The following PLA2G15 variants were observed in gnomAD, a reference collection of about 807,000 sequenced individuals.
PLA2G15 encodes phospholipase A2 group XV.
In PLA2G15, 20 loss-of-function variants were observed where a neutral mutation model predicts 40.9. The observed-to-expected ratio is 0.49, with a 90% confidence interval of 0.34 to 0.71. The LOEUF (loss-of-function observed/expected upper bound fraction) is 0.71, where lower values mean the gene tolerates loss of function less well. Among genes scored for constraint, PLA2G15 ranks in the 30% least tolerant of loss-of-function variants. The probability of loss-of-function intolerance (pLI) is 0.01; values close to 1 mark genes in which losing one functional copy is unlikely to be tolerated. For synonymous variants in PLA2G15, 223 were observed against 228.2 expected (o/e 0.98, Z 0.21); for missense variants, 471 against 541.9 (o/e 0.87, Z 1.30).
intron 1 of PLA2G15, among the ~76,000 whole-genome samples, chr16:68,246,146 A>G (rs527786537): frequency 6.6e-6 from 1 of 152,346 alleles, no homozygotes; most frequent in Non-Finnish European, 1.5e-5. Flanking sequence ...GGTTGGGACA[A>G]TGGCCATGAA....
chr16:68,251,690 G>T (rs1344611254), intron 2 of PLA2G15, among the ~76,000 whole-genome samples: 1 of 151,454 alleles, frequency 6.6e-6, no homozygotes, highest in African/African-American at 2.4e-5. Context: ...TCAAAAAAAA[G>T]AAAATACAAA....
In PLA2G15 at chr16:68,259,022, G is replaced by A. The variant is rs895169997; in HGVS notation, c.728-124G>A. ...CACAGTGATTACAATGATGATAACC[G>A]GGTAGAGATGCGGGACTGTGGACTG... On this transcript the variant is annotated intron_variant, in intron 5 of 5. Transcript: ENST00000219345. This position sits in a 1 kb window ranked among gnomAD's most constrained non-coding sequence, Gnocchi z 6.5. 8.2e-6 allele frequency: 6 copies of A among 727,686 alleles called. No individual in the cohort carries two copies. Among genetic ancestry groups the A allele is most frequent in the African/African-American group, 7.1e-5 (4 of 56,704 alleles). 45.1% of individuals were successfully genotyped at this position (727,686 alleles called of 1,614,324 possible). A position where few individuals can be genotyped will look rare whatever the true frequency, so the allele number is the denominator to read the frequency against.
chr16:68,255,128 G>A lies in PLA2G15; in HGVS notation c.403+91G>A. The A allele has an allele frequency of 1.9e-6, 2 of 1,038,788 alleles. No individual in the cohort carries two copies. The highest frequency in any genetic ancestry group is 2.4e-5 in the East Asian group (1 of 42,048). The allele number at this position is 1,038,788 out of a possible 1,614,324, so 64.3% of individuals were successfully genotyped here. A position where few individuals can be genotyped will look rare whatever the true frequency, so the allele number is the denominator to read the frequency against. Reference sequence around the variant, plus strand: ...CTGGAGGAACTCTGCTGGTTTGTAGGGACAGCCTGTGAGCTGTCTCTGATC... The same window carrying A: ...CTGGAGGAACTCTGCTGGTTTGTAGAGACAGCCTGTGAGCTGTCTCTGATC... On this transcript the variant is annotated intron_variant, in intron 3 of 5. Coordinates refer to ENST00000219345, the MANE Select transcript of PLA2G15 (RefSeq NM_012320.4). The surrounding 1 kb of genome is among the most constrained non-coding windows in gnomAD (Gnocchi z 5.9).
intron 1 of PLA2G15, chr16:68,248,762 C>T (rs1255812455): frequency 3.0e-6 from 3 of 983,890 alleles, no homozygotes; most frequent in Non-Finnish European, 3.6e-6. Flanking sequence ...TCTCCAAGCC[C>T]CTCCTCCCAG....
Position 68,255,712 on chromosome 16 carries a change from G to A in PLA2G15, c.503-54G>A, listed in dbSNP as rs750632749. 1 of 1,458,682 alleles carries A rather than the reference G, an allele frequency of 6.9e-7. No individual in the cohort carries two copies. Among genetic ancestry groups the A allele is most frequent in the Non-Finnish European group, 9.6e-7 (1 of 1,039,158 alleles). The allele number at this position is 1,458,682 out of a possible 1,614,324, so 90.4% of individuals were successfully genotyped here. ...GTGTCTGGCCTGAGAAAAGCTCAGT[G>A]GTTCCGGCTCCAGGACCCTTCCCAC... On this transcript the variant is annotated intron_variant, in intron 4 of 5. Transcript: ENST00000219345. This position sits in a 1 kb window ranked among gnomAD's most constrained non-coding sequence, Gnocchi z 5.9.
intron 2 of PLA2G15, chr16:68,250,371 C>T (rs936788915): frequency 3.1e-5 from 8 of 257,144 alleles, no homozygotes; most frequent in Admixed American, 5.6e-5. Context: ...CCCGGGTTCA[C>T]GCCATTCTTC....
chr16:68,259,774 G>A lies in PLA2G15; in HGVS notation c.*117G>A. Reference sequence around the variant, plus strand: ...CTCACCATTCAAGGCCCCGAGTCTTGGACTGTGAAGCATCTGCCATGGGGA... The same window carrying A: ...CTCACCATTCAAGGCCCCGAGTCTTAGACTGTGAAGCATCTGCCATGGGGA... On this transcript the variant is annotated 3_prime_UTR_variant, in exon 6 of 6. Coordinates refer to ENST00000219345, the MANE Select transcript of PLA2G15 (RefSeq NM_012320.4). The surrounding 1 kb of genome is among the most constrained non-coding windows in gnomAD (Gnocchi z 6.5). 1 of 879,586 alleles carries A rather than the reference G, an allele frequency of 1.1e-6. No homozygotes were observed. Among genetic ancestry groups the A allele is most frequent in the Non-Finnish European group, 1.7e-6 (1 of 577,406 alleles). The allele number at this position is 879,586 out of a possible 1,614,324, so 54.5% of individuals were successfully genotyped here. A position where few individuals can be genotyped will look rare whatever the true frequency, so the allele number is the denominator to read the frequency against.
At position 68,258,294 on chromosome 16, in the gene PLA2G15, T is replaced by G. The variant is rs144416593; in HGVS notation, c.728-852T>G. ...GGCTGGCTGAACGCTGGTCTGAGCT[T>G]AGGAAAAGAAAAACTGGTACACAGT... On this transcript the variant is annotated intron_variant, in intron 5 of 5. Transcript: ENST00000219345. Among the ~76,000 whole-genome samples, 82 of 152,158 alleles carry G rather than the reference T, an allele frequency of 5.4e-4. No individual in the cohort carries two copies. The Middle Eastern group carries it at 0.014, about 25-fold the overall frequency.
At chr16:68,247,277 G>C (rs1213579822) in intron 1 of PLA2G15, among the ~76,000 whole-genome samples, 1 of 152,158 alleles carries the variant, frequency 6.6e-6, no homozygotes, top group Non-Finnish European at 1.5e-5. Context: ...AGGAAAGAGA[G>C]ACCAGCGATG....
At chr16:68,250,234 G>A in intron 2 of PLA2G15, 1 of 306,898 alleles carries the variant, frequency 3.3e-6, no homozygotes, top group Non-Finnish European at 6.1e-6. Flanking sequence ...AGGCTGGAGT[G>A]CAATGGCGCG....
intron 2 of PLA2G15, among the ~76,000 whole-genome samples, chr16:68,250,161 T>C (rs2042341690): frequency 1.4e-5 from 2 of 148,132 alleles, no homozygotes; most frequent in South Asian, 2.1e-4. Context: ...GCCTGATAAA[T>C]GGCTTCCATT....
rs1259729925 is a variant in PLA2G15, at chr16:68,259,117, A to G, written c.728-29A>G. The stretch of plus-strand genomic sequence containing the variant: ...GCCCAACCAGCTGGCATTCCTAAGC[A>G]CAGACTGACCAGAGCCTTCTCCCTG... On this transcript the variant is annotated intron_variant, in intron 5 of 5. Coordinates refer to ENST00000219345, the MANE Select transcript of PLA2G15 (RefSeq NM_012320.4). The surrounding 1 kb of genome is among the most constrained non-coding windows in gnomAD (Gnocchi z 6.5). 6.3e-7 allele frequency: 1 copy of G among 1,586,600 alleles called. No individual in the cohort carries two copies. The highest frequency in any genetic ancestry group is 2.2e-5 in the East Asian group (1 of 44,788).
In PLA2G15 at chr16:68,255,989, A is replaced by G; in HGVS notation, c.726A>G (p.Ser242=). The change falls in exon 5 of 6, where the codon TCA becomes TCG. Residue 242 remains serine (S), a splice_region_variant and synonymous_variant. Transcript: ENST00000219345. This position sits in a 1 kb window ranked among gnomAD's most constrained non-coding sequence, Gnocchi z 5.9. ...GVAKTLRVLA[S]GDNNRIPVIG... is the part of the protein sequence containing the mutation. ...CCAAGACCCTGCGCGTCCTGGCTTC[A>G]GGTAAGACCCTACCTGGCCCAGCGT... is the stretch of plus-strand genomic sequence containing the variant. 1 of 1,592,834 alleles carries G rather than the reference A, an allele frequency of 6.3e-7. No individual in the cohort carries two copies. The highest frequency in any genetic ancestry group is 1.3e-5 in the African/African-American group (1 of 74,626).
intron 1 of PLA2G15, chr16:68,248,618 C>T (rs998941380): frequency 2.3e-5 from 8 of 348,984 alleles, no homozygotes; most frequent in Middle Eastern, 4.1e-4. Context: ...AACTCCTGAC[C>T]GCAAGTGATC....
chr16:68,251,878 G>GT (rs1166574095), intron 2 of PLA2G15, among the ~76,000 whole-genome samples: 1 of 143,246 alleles, frequency 7.0e-6, no homozygotes, highest in Non-Finnish European at 1.5e-5. Context: ...AAAAAAAAAA[G>GT]TTTTTCCCAG....
At chr16:68,254,002 G>A in intron 2 of PLA2G15, among the ~76,000 whole-genome samples, 1 of 152,116 alleles carries the variant, frequency 6.6e-6, no homozygotes, top group East Asian at 1.9e-4. Context: ...GTCTGGTTCT[G>A]TTGTGTACTG....
chr16:68,252,110 C>T (rs567069523), intron 2 of PLA2G15, among the ~76,000 whole-genome samples: 3 of 152,312 alleles, frequency 2.0e-5, no homozygotes, highest in Admixed American at 6.5e-5. Flanking sequence ...TTCTCTGACC[C>T]GTTTAGATTT....
Position 68,255,296 on chromosome 16 carries a change from A to G in PLA2G15, c.418A>G (p.Thr140Ala), listed in dbSNP as rs1397348714. The change falls in exon 4 of 6, where the codon ACC becomes GCC. Residue 140 changes from threonine (T) to alanine (A), a missense_variant. Physicochemically the swap from Thr to Ala is moderately conservative, Grantham distance 58. Transcript: ENST00000219345. The surrounding 1 kb of genome is among the most constrained non-coding windows in gnomAD (Gnocchi z 5.9). ...TCTGTCTACAGGTTCCTATTTCCACACCATGGTGGAGAGCCTTGTGGGCTG... is the reference window on the plus strand; with the variant it reads ...TCTGTCTACAGGTTCCTATTTCCACGCCATGGTGGAGAGCCTTGTGGGCTG... ...SKSSVGSYFH[T>A]MVESLVGWGY... 1.9e-6 allele frequency: 3 copies of G among 1,613,046 alleles called. No homozygotes were observed. In the African/African-American group the frequency reaches 4.0e-5, roughly 22 times the overall value.
chr16:68,248,877 A>G (rs1362004653), intron 1 of PLA2G15, among the ~76,000 whole-genome samples: 1 of 152,166 alleles, frequency 6.6e-6, no homozygotes, highest in Non-Finnish European at 1.5e-5. Context: ...CAGATACGGA[A>G]ACTGAGGCCT....
Sources: gnomAD v4.1 joint callset for allele counts (sites outside exome capture counted in the v4.1 genomes callset) on GRCh38, gnomAD v4.1.1 for gene constraint, Gnocchi (gnomAD v3.1) non-coding constraint, MANE v1.5 for transcripts, NCBI Gene and HGNC (gene_info 2026-07-23, HGNC 2026-07-21) for gene names.